Variants in LTBP1 observed in about 807,000 individuals in gnomAD.
The protein encoded by LTBP1 is latent-transforming growth factor beta-binding protein 1.
In LTBP1, 129 loss-of-function variants were observed where a neutral mutation model predicts 207.6. The observed-to-expected ratio is 0.62, with a 90% CI of 0.54 to 0.72. The LOEUF is 0.72. LTBP1 is among the 30% of genes least tolerant of loss of function. The pLI, the probability that LTBP1 is intolerant of heterozygous loss-of-function variation, is 0.00. For missense variants in LTBP1, 2,281 were observed against 2,217.2 expected (o/e 1.03, Z -0.58); for synonymous variants, 963 against 833.7 (o/e 1.16, Z -2.67).
At chr2:32,986,416 G>C (rs572773136) in intron 2 of LTBP1, among the ~76,000 whole-genome samples, 2 of 152,322 alleles carry the variant, frequency 1.3e-5, no homozygotes, top group East Asian at 3.9e-4. Context: ...TTAAATAAAA[G>C]AGGTTGTTTA....
intron 26 of LTBP1, among the ~76,000 whole-genome samples, chr2:33,350,329 A>C (rs1408300620): frequency 2.6e-5 from 4 of 152,272 alleles, no homozygotes; most frequent in East Asian, 3.9e-4. Flanking sequence ...AGGCAGAACT[A>C]GGGTTATGGG....
intron 24 of LTBP1, 49 bp downstream of exon 24, chr2:33,315,318 G>A (rs1239283705): frequency 1.2e-6 from 2 of 1,604,128 alleles, no homozygotes; most frequent in Admixed American, 1.8e-5. Flanking sequence ...AAAGAGAGAG[G>A]AGATTGCTTT....
intron 5 of LTBP1, among the ~76,000 whole-genome samples, chr2:33,160,232 C>T (rs757680075): frequency 1.5e-4 from 23 of 152,068 alleles, no homozygotes; most frequent in African/African-American, 5.3e-4. Context: ...TTAAAAATAA[C>T]GATTATGGAC....
intron 31 of LTBP1, among the ~76,000 whole-genome samples, chr2:33,388,956 G>T (rs1038799758): frequency 6.6e-6 from 1 of 152,132 alleles, no homozygotes; most frequent in East Asian, 1.9e-4. Flanking sequence ...TAATATTTTT[G>T]ATCTTCAATT....
At chr2:33,242,772 T>G (rs1471256306) in intron 9 of LTBP1, among the ~76,000 whole-genome samples, 1 of 152,130 alleles carries the variant, frequency 6.6e-6, no homozygotes, top group Non-Finnish European at 1.5e-5. Flanking sequence ...AACCTCATAC[T>G]TGCATGACCC....
At position 33,245,218 on chromosome 2, in the gene LTBP1, G is replaced by A. The variant is rs2092471010; in HGVS notation, c.1999+1434G>A. Among the ~76,000 whole-genome samples, 3 of 152,210 alleles carry A rather than the reference G, an allele frequency of 2.0e-5. No individual in the cohort carries two copies. The South Asian group carries it at 6.2e-4, about 32-fold the overall frequency. On this transcript the variant is annotated intron_variant, in intron 10 of 33. Coordinates refer to ENST00000404816, the MANE Select transcript of LTBP1 (RefSeq NM_206943.4). ...TTTTAATGTGGCTTTGGTATATAAT[G>A]AGCTGCATCTTTCTTGTCTAGTTTG... is the stretch of plus-strand genomic sequence containing the variant.
At chr2:33,110,511 A>G (rs2080342421) in intron 3 of LTBP1, 71 bp from the exon 4 acceptor site, 2 of 1,398,054 alleles carry the variant, frequency 1.4e-6, no homozygotes, top group Non-Finnish European at 9.9e-7. Flanking sequence ...CTCGTTGCTT[A>G]CCCTTTCCTT....
At chr2:32,984,088 A>G (rs1409462247) in intron 2 of LTBP1, among the ~76,000 whole-genome samples, 4 of 152,148 alleles carry the variant, frequency 2.6e-5, no homozygotes, top group Admixed American at 1.3e-4. Context: ...TTTTTGGAGC[A>G]CTCAAGGGAG....
chr2:32,966,365 T>C (rs1256107372), intron 2 of LTBP1, among the ~76,000 whole-genome samples: 1 of 152,182 alleles, frequency 6.6e-6, no homozygotes, highest in Non-Finnish European at 1.5e-5. Flanking sequence ...CTTTCATGGA[T>C]TGTGCCTTTG....
intron 5 of LTBP1, among the ~76,000 whole-genome samples, chr2:33,163,563 T>C (rs1314984136): frequency 6.6e-6 from 1 of 152,130 alleles, no homozygotes; most frequent in Non-Finnish European, 1.5e-5. Context: ...ATAAATTGAA[T>C]GTATGATAGC....
chr2:33,248,392 G>A (rs1483930679), intron 10 of LTBP1, among the ~76,000 whole-genome samples: 2 of 152,146 alleles, frequency 1.3e-5, no homozygotes, highest in Non-Finnish European at 2.9e-5. Flanking sequence ...GTAGAGCCCA[G>A]ATTTGAAACT....
chr2:33,294,020 T>TTTTA (rs2093825218), intron 20 of LTBP1, among the ~76,000 whole-genome samples: 1 of 145,308 alleles, frequency 6.9e-6, no homozygotes, highest in African/African-American at 2.6e-5. Flanking sequence ...TTTTTTTTTT[T>TTTTA]TTTGAGCTGA....
intron 24 of LTBP1, among the ~76,000 whole-genome samples, chr2:33,315,995 T>C (rs1379806972): frequency 6.6e-6 from 1 of 152,226 alleles, no homozygotes. Flanking sequence ...ACAGATCTTC[T>C]AGAATTCTTC....
intron 5 of LTBP1, among the ~76,000 whole-genome samples, chr2:33,182,260 G>T (rs1311949489): frequency 1.3e-5 from 2 of 152,080 alleles, no homozygotes; most frequent in Non-Finnish European, 2.9e-5. Flanking sequence ...ATCTCAGGGG[G>T]TTAGAGGTAG....
chr2:32,953,035 C>T (rs148451684), intron 2 of LTBP1, among the ~76,000 whole-genome samples: 7 of 152,192 alleles, frequency 4.6e-5, no homozygotes, highest in Non-Finnish European at 1.5e-5. Context: ...TCACTTAACT[C>T]GTGGCACATC....
chr2:33,344,481 C>G (rs767548799), intron 25 of LTBP1, among the ~76,000 whole-genome samples: 5 of 152,182 alleles, frequency 3.3e-5, no homozygotes, highest in Admixed American at 6.5e-5. Flanking sequence ...AATTATTTGA[C>G]TGTTGTTCAC....
At chr2:33,126,763 G>C (rs369033952) in intron 4 of LTBP1, among the ~76,000 whole-genome samples, 13 of 152,300 alleles carry the variant, frequency 8.5e-5, no homozygotes, top group East Asian at 5.8e-4. Context: ...AGTCCCATAG[G>C]GGGAGTAGTT....
chr2:33,021,154 T>C lies in LTBP1; in HGVS notation c.811T>C (p.Leu271=). The C allele has an allele frequency of 6.2e-7, 1 of 1,612,362 alleles. No individual in the cohort carries two copies. The highest frequency in any genetic ancestry group is 1.7e-5 in the Admixed American group (1 of 59,904). The change falls in exon 3 of 34, where the codon TTA becomes CTA. Residue 271 remains leucine, a synonymous_variant. Transcript: ENST00000404816. ...AGTCAGCCCTGTGGCCCAGATGACCTTAACCCTCAAGCCGAAGCCTTCAGT... is the reference window on the plus strand; with the variant it reads ...AGTCAGCCCTGTGGCCCAGATGACCCTAACCCTCAAGCCGAAGCCTTCAGT... ...PRVSPVAQMT[L]TLKPKPSVGL...
At chr2:33,228,086 T>C (rs570802369) in intron 9 of LTBP1, among the ~76,000 whole-genome samples, 1 of 152,224 alleles carries the variant, frequency 6.6e-6, no homozygotes, top group Admixed American at 6.5e-5. Flanking sequence ...ATTACAGGCA[T>C]GAGCCACCAC....
Sources: allele counts gnomAD v4.1 joint callset (sites outside exome capture counted in the v4.1 genomes callset), GRCh38; gene constraint gnomAD v4.1.1; transcripts MANE v1.5; gene names NCBI Gene and HGNC (gene_info 2026-07-23, HGNC 2026-07-21).